The following SYP variants were observed in gnomAD, a reference collection of about 807,000 sequenced individuals.
SYP encodes the protein synaptophysin.
Under a neutral mutation model 24.3 loss-of-function variants are expected in SYP, and 2 were observed. That is an observed-to-expected ratio of 0.08 (90% CI 0.03 to 0.26). SYP has a LOEUF of 0.26. Among genes scored for constraint, SYP ranks in the 10% least tolerant of loss-of-function variants. SYP has a pLI of 1.00. For missense variants in SYP, 216 were observed against 266.3 expected (o/e 0.81, Z 1.32); for synonymous variants, 143 against 123.2 (o/e 1.16, Z -1.07).
At chrX:49,199,146 G>A (rs1294659506) in intron 1 of SYP, 113 bp from the exon 2 acceptor site, 10 of 745,616 alleles carry the variant, frequency 1.3e-5, no homozygotes, top group Non-Finnish European at 1.8e-5. Flanking sequence ...TCGGGGAGAG[G>A]GTGAGAAGGA....
rs1354229891 is a variant in SYP, at chrX:49,191,903, G to A, written c.616-140C>T. 4 of 703,331 alleles carry A rather than the reference G, an allele frequency of 5.7e-6. No individual in the cohort carries two copies. The African/African-American group carries it at 8.6e-5, about 15-fold the overall frequency. 58.0% of individuals were successfully genotyped at this position (703,331 alleles called of 1,213,427 possible). A position where few individuals can be genotyped will look rare whatever the true frequency, so the allele number is the denominator to read the frequency against. On this transcript the variant is annotated intron_variant, in intron 5 of 6. Coordinates refer to ENST00000263233, the MANE Select transcript of SYP (RefSeq NM_003179.3). Reference sequence around the variant, plus strand: ...AAACCCAGACTCTCTGAGTCCCAGTGCGAGAACGTCGATGTGCAGAAAAAT... The same window carrying A: ...AAACCCAGACTCTCTGAGTCCCAGTACGAGAACGTCGATGTGCAGAAAAAT...
At chrX:49,198,030 TTCTC>T in intron 2 of SYP, 191 bp from the exon 3 acceptor site, 1 of 499,486 alleles carries the variant, frequency 2.0e-6, no homozygotes, top group Non-Finnish European at 3.4e-6. Flanking sequence ...CTCTTCCTGT[TTCTC>T]TCTCTGTGTC....
chrX:49,200,007 G>T, intron 1 of SYP, 144 bp downstream of exon 1: 1 of 712,322 alleles, frequency 1.4e-6, no homozygotes, highest in Non-Finnish European at 2.1e-6. Context: ...CCCTTCACCT[G>T]CCGCAGACCC....
chrX:49,198,845 C>T (rs992263792), intron 2 of SYP, 123 bp downstream of exon 2: 4 of 819,661 alleles, frequency 4.9e-6, no homozygotes, highest in African/African-American at 2.1e-5. Context: ...GCCCAATTCC[C>T]CCATCCCCTA....
chrX:49,197,497 G>T, intron 3 of SYP: 1 of 484,581 alleles, frequency 2.1e-6, no homozygotes, highest in Non-Finnish European at 3.4e-6. Flanking sequence ...CCCTTCGCTG[G>T]AACAGAGCCA....
rs782692341 is a variant in SYP at position 49,191,755 on chromosome X, G to A, written c.624C>T (p.Gly208=). ...CGACCCAGAGCACCAGGTTCAGGAA[G>A]CCGAACACCTGCAGGGAGACAAGGC... is the stretch of plus-strand genomic sequence containing the variant. ...TSGLNTSVVF[G]FLNLVLWVGN... Residue 208 remains glycine, a synonymous_variant, in exon 6 of 7, where the codon GGC becomes GGT. Transcript: ENST00000263233. The A allele has an allele frequency of 1.1e-4, 130 of 1,204,931 alleles. 1 individual carries two copies. The highest frequency in any genetic ancestry group is 1.3e-4 in the Non-Finnish European group (114 of 892,239).
At chrX:49,197,933 C>A in intron 2 of SYP, 94 bp from the exon 3 acceptor site, 1 of 1,144,654 alleles carries the variant, frequency 8.7e-7, no homozygotes. Context: ...CCAGCACAGG[C>A]AGCAGCAGAT....
intron 2 of SYP, 70 bp from the exon 3 acceptor site, chrX:49,197,909 G>A (rs1557103518): frequency 2.5e-6 from 3 of 1,184,165 alleles, no homozygotes. Context: ...CCCTCCTCTG[G>A]ACAGATCGGG....
chrX:49,197,855 T>C lies in SYP; in HGVS notation c.103-16A>G. 2 of 1,208,864 alleles carry C rather than the reference T, an allele frequency of 1.7e-6. No individual in the cohort carries two copies. Among genetic ancestry groups the C allele is most frequent in the Middle Eastern group, 2.5e-4 (1 of 4,034 alleles). On this transcript the variant is annotated splice_polypyrimidine_tract_variant and intron_variant, in intron 2 of 6. Coordinates refer to ENST00000263233, the MANE Select transcript of SYP (RefSeq NM_003179.3). ...TGGCGAAGACCTTGGGCAGCAGGGA[T>C]GGGGATGGCCACAGTGAACCTGTGT...
At position 49,200,031 on chromosome X, in the gene SYP, C is replaced by T. The variant is rs782270570; in HGVS notation, c.36+120G>A. ...TGCCGCAGACCCCCATCCCCAGCGC[C>T]GGGGACCGGGTCTCCGCTGCCAGAC... is the stretch of plus-strand genomic sequence containing the variant. On this transcript the variant is annotated intron_variant, in intron 1 of 6. Coordinates refer to ENST00000263233, the MANE Select transcript of SYP (RefSeq NM_003179.3). 9.9e-3 allele frequency: 9,034 copies of T among 915,871 alleles called. 50 individuals are homozygous for T. Among genetic ancestry groups the T allele is most frequent in the Non-Finnish European group, 0.011 (7,280 of 659,626 alleles). The allele number at this position is 915,871 out of a possible 1,213,427, so 75.5% of individuals were successfully genotyped here.
intron 2 of SYP, 35 bp from the exon 3 acceptor site, chrX:49,197,874 C>A: frequency 1.7e-6 from 2 of 1,207,450 alleles, no homozygotes; most frequent in African/African-American, 1.7e-5. Context: ...CCACAGTGAA[C>A]CTGTGTGCAT....
chrX:49,195,332 CAG>C (rs782039540), intron 3 of SYP, among the ~76,000 whole-genome samples: 12 of 110,655 alleles, frequency 1.1e-4, no homozygotes, highest in Admixed American at 1.9e-4. Flanking sequence ...GAGGCGGAAA[CAG>C]AGGCTCAGGG....
chrX:49,198,644 C>G (rs1403399665), intron 2 of SYP: 11 of 326,188 alleles, frequency 3.4e-5, no homozygotes, highest in African/African-American at 2.7e-4. Context: ...TTCACTGTCT[C>G]TGGGTTTCTC....
At chrX:49,199,102 C>A in intron 1 of SYP, 69 bp from the exon 2 acceptor site, 1 of 1,030,372 alleles carries the variant, frequency 9.7e-7, no homozygotes. Context: ...GCAAGGCTGC[C>A]CATCAATGAC....
At position 49,194,349 on chromosome X, in the gene SYP, C is replaced by T. The variant is rs1455999453; in HGVS notation, c.240G>A (p.Val80=). The T allele has an allele frequency of 5.8e-6, 7 of 1,209,034 alleles. No individual in the cohort carries two copies. The highest frequency in any genetic ancestry group is 1.8e-5 in the African/African-American group (1 of 56,992). The change falls in exon 4 of 7, where the codon GTG becomes GTA. Residue 80 remains valine (V), a synonymous_variant. Transcript: ENST00000263233. ...CTCGGCAGGTGGGTGCATCAAAGTA[C>T]ACTTGGTGCAGCCTGCAAACAGAGG... ...EFEYPFRLHQ[V]YFDAPTCRGG...
In SYP at chrX:49,191,447, T is replaced by C; in HGVS notation, c.932A>G (p.Asn311Ser). 8.3e-7 allele frequency: 1 copy of C among 1,211,155 alleles called. No homozygotes were observed. Among genetic ancestry groups the C allele is most frequent in the Non-Finnish European group, 1.1e-6 (1 of 895,250 alleles). ...GPQGAPTSFS[N>S]QM ...CGGTCACTCACCAGACTACATCTGATTGGAGAAGGAGGTGGGTGCACCCTG... is the reference window on the plus strand; with the variant it reads ...CGGTCACTCACCAGACTACATCTGACTGGAGAAGGAGGTGGGTGCACCCTG... Residue 311 changes from asparagine to serine, a missense_variant, in exon 6 of 7, where the codon AAT becomes AGT. Asn to Ser is a conservative substitution (Grantham distance 46). This residue lies in a region of SYP where 114 missense variants were observed against 107.9 expected (regional missense o/e 1.06). Coordinates refer to ENST00000263233, the MANE Select transcript of SYP (RefSeq NM_003179.3).
Position 49,191,630 on chromosome X carries a change from T to C in SYP, c.749A>G (p.Tyr250Cys). 1 of 1,206,972 alleles carries C rather than the reference T, an allele frequency of 8.3e-7. No individual in the cohort carries two copies. Among genetic ancestry groups the C allele is most frequent in the Non-Finnish European group, 1.1e-6 (1 of 893,341 alleles). ...GCCCTGCCCGTAGCCTGCATCGCCG[T>C]AGGCGTCCCCGGGTGCCGGTTGTTT... is the stretch of plus-strand genomic sequence containing the variant. The part of the protein sequence containing the change: ...PEKQPAPGDA[Y>C]GDAGYGQGPG... Residue 250 changes from tyrosine (Y) to cysteine (C), a missense_variant, in exon 6 of 7, where the codon TAC becomes TGC. By Grantham distance (194) the Tyr-to-Cys change is radical (BLOSUM62 -2). Coordinates refer to ENST00000263233, the MANE Select transcript of SYP (RefSeq NM_003179.3).
In SYP at chrX:49,200,175, C is replaced by T. The variant is rs1557103808; in HGVS notation, c.12G>A (p.Leu4=). The change falls in exon 1 of 7, where the codon CTG becomes CTA. Residue 4 remains leucine, a synonymous_variant. Coordinates refer to ENST00000263233, the MANE Select transcript of SYP (RefSeq NM_003179.3). ...CCTGATTCACCACGTCCATGTCCGC[C>T]AGCAGCAGCATCAGCAATGCAGGGG... MLL[L]ADMDVVNQLV... 5.2e-6 allele frequency: 6 copies of T among 1,164,953 alleles called. No homozygotes were observed. In the Admixed American group the frequency reaches 1.5e-4, roughly 30 times the overall value.
At position 49,191,611 on chromosome X, in the gene SYP, C is replaced by T. The variant is rs782597258; in HGVS notation, c.768G>A (p.Gly256=). The T allele has an allele frequency of 3.1e-5, 37 of 1,207,873 alleles. No homozygotes were observed. Among genetic ancestry groups the T allele is most frequent in the Admixed American group, 6.5e-5 (3 of 45,848 alleles). The change falls in exon 6 of 7, where the codon GGG becomes GGA. Residue 256 remains glycine (G), a synonymous_variant. Coordinates refer to ENST00000263233, the MANE Select transcript of SYP (RefSeq NM_003179.3). The stretch of plus-strand genomic sequence containing the variant: ...GGGGCCCGTACCCGCCGGGGCCCTG[C>T]CCGTAGCCTGCATCGCCGTAGGCGT... ...PGDAYGDAGY[G]QGPGGYGPQD...
Sources: allele counts gnomAD v4.1 joint callset (sites outside exome capture counted in the v4.1 genomes callset), GRCh38; gene constraint gnomAD v4.1.1; regional missense constraint gnomAD v4.1.1; transcripts MANE v1.5; gene names NCBI Gene and HGNC (gene_info 2026-07-23, HGNC 2026-07-21).